The following AMZ2 variants were observed in gnomAD, a reference collection of about 807,000 sequenced individuals.
AMZ2 encodes the protein archaelysin family metallopeptidase 2.
In AMZ2, 26 loss-of-function variants were observed where a neutral mutation model predicts 36.7. That is an observed-to-expected ratio of 0.71 (90% confidence interval 0.52 to 0.98). The LOEUF is 0.98. AMZ2 is among the 50% of genes least tolerant of loss of function. AMZ2 has a pLI of 0.00. For synonymous variants in AMZ2, 144 were observed against 149.1 expected (o/e 0.97, Z 0.25); for missense variants, 394 against 430.5 (o/e 0.92, Z 0.75).
At position 68,221,217 on chromosome 17, in the gene AMZ2, C is replaced by CA. The variant is rs1196867281; in HGVS notation, c.-67+14979_-67+14980insA. Among the ~76,000 whole-genome samples, 9 of 93,428 alleles carry CA rather than the reference C, an allele frequency of 9.6e-5. 2 individuals carry two copies. In the East Asian group the frequency reaches 2.2e-3, roughly 23 times the overall value. 61.3% of individuals were successfully genotyped at this position (93,428 alleles called of 152,430 possible). A position where few individuals can be genotyped will look rare whatever the true frequency, so the allele number is the denominator to read the frequency against. ...CTGCCTCAGCCCTCAGCTCCCCCCCCCGCCCCCCCGGTAGCTAGGACCCCA... is the reference window on the plus strand; with the variant it reads ...CTGCCTCAGCCCTCAGCTCCCCCCCCACGCCCCCCCGGTAGCTAGGACCCCA... On this transcript the variant is annotated intron_variant, in intron 1 of 7. Transcript: ENST00000674770.
At chr17:68,225,894 G>C (rs2073503468) in intron 1 of AMZ2, among the ~76,000 whole-genome samples, 1 of 152,136 alleles carries the variant, frequency 6.6e-6, no homozygotes, top group Non-Finnish European at 1.5e-5. Flanking sequence ...AAAGTGCTGG[G>C]ATTATAGCAT....
At chr17:68,239,940 A>G (rs1443516142) in intron 1 of AMZ2, among the ~76,000 whole-genome samples, 1 of 152,262 alleles carries the variant, frequency 6.6e-6, no homozygotes, top group Non-Finnish European at 1.5e-5. Context: ...TATAGTTACT[A>G]TCTATAGAGA....
At chr17:68,219,207 C>T (rs1485275003) in intron 1 of AMZ2, among the ~76,000 whole-genome samples, 9 of 152,104 alleles carry the variant, frequency 5.9e-5, no homozygotes, top group African/African-American at 1.2e-4. Context: ...CCTTGTAATC[C>T]GCCCGCCTCA....
intron 4 of AMZ2, among the ~76,000 whole-genome samples, chr17:68,253,091 A>G (rs1180801367): frequency 6.6e-6 from 1 of 152,232 alleles, no homozygotes; most frequent in East Asian, 1.9e-4. Context: ...TGACTACGAA[A>G]AAAATAGTCT....
rs782252964 is a variant in AMZ2, at chr17:68,250,208, C to T, written c.21C>T (p.Ser7=). The T allele has an allele frequency of 1.4e-5, 22 of 1,613,754 alleles. No homozygotes were observed. The East Asian group carries it at 1.8e-4, about 13-fold the overall frequency. ...GTTAGATGCAAATAATACGGCACTC[C>T]GAACAGACACTAAAAACAGCTCTCA... is the stretch of plus-strand genomic sequence containing the variant. MQIIRH[S]EQTLKTALIS... Residue 7 remains serine (S), a synonymous_variant, in exon 2 of 7, where the codon TCC becomes TCT. Transcript: ENST00000359904.
At chr17:68,209,632 A>ATATGTATATATATATT in intron 1 of AMZ2, among the ~76,000 whole-genome samples, 55 of 90,650 alleles carry the variant, frequency 6.1e-4, no homozygotes, top group Non-Finnish European at 9.8e-4. Context: ...ATATATATAT[A>ATATGTATATATATATT]TTTTTTTTTT....
chr17:68,239,573 C>T (rs1286612881), intron 1 of AMZ2, among the ~76,000 whole-genome samples: 6 of 152,144 alleles, frequency 3.9e-5, no homozygotes, highest in Non-Finnish European at 8.8e-5. Context: ...AACACGGTGG[C>T]TAAGGATTCA....
intron 1 of AMZ2, among the ~76,000 whole-genome samples, chr17:68,227,043 A>G (rs1555730088): frequency 6.6e-6 from 1 of 151,450 alleles, no homozygotes; most frequent in African/African-American, 2.4e-5. Flanking sequence ...TCGGGCACCG[A>G]GAGAGGGAGG....
chr17:68,250,743 C>T (rs781836023), intron 2 of AMZ2, 51 bp from the exon 3 acceptor site: 4 of 1,467,628 alleles, frequency 2.7e-6, no homozygotes, highest in Non-Finnish European at 2.7e-6. Context: ...ACTGGGTAAA[C>T]ACTGAATAAT....
intron 1 of AMZ2, among the ~76,000 whole-genome samples, chr17:68,213,905 C>T (rs1177591461): frequency 6.6e-6 from 1 of 151,834 alleles, no homozygotes; most frequent in Admixed American, 6.6e-5. Flanking sequence ...TTTTTCCTTT[C>T]TGCTACCATA....
At chr17:68,231,149 G>A (rs2073653393) in intron 1 of AMZ2, among the ~76,000 whole-genome samples, 1 of 151,736 alleles carries the variant, frequency 6.6e-6, no homozygotes, top group African/African-American at 2.4e-5. Flanking sequence ...CTGCAGCCTG[G>A]ACCTCCTGGG....
chr17:68,212,657 C>T (rs1357718342), intron 1 of AMZ2, among the ~76,000 whole-genome samples: 2 of 152,102 alleles, frequency 1.3e-5, no homozygotes, highest in African/African-American at 2.4e-5. Flanking sequence ...ACCTCCACCT[C>T]CTAGGTTCAA....
chr17:68,236,309 T>C (rs1261201018), intron 1 of AMZ2, among the ~76,000 whole-genome samples: 1 of 152,038 alleles, frequency 6.6e-6, no homozygotes, highest in Non-Finnish European at 1.5e-5. Flanking sequence ...CTATGTAAAT[T>C]TATATATAAA....
chr17:68,231,415 T>TGTGCCTTGC (rs1568356958), intron 1 of AMZ2, among the ~76,000 whole-genome samples: 4,094 of 107,892 alleles, frequency 0.038, 877 homozygotes, highest in African/African-American at 0.055. Context: ...CATCCAGCAC[T>TGTGCCTTGC]AGTTAAGTTG....
intron 1 of AMZ2, among the ~76,000 whole-genome samples, chr17:68,209,608 A>ATG (rs61308199): frequency 2.6e-5 from 3 of 114,294 alleles, no homozygotes; most frequent in Non-Finnish European, 1.7e-5. Context: ...GTGTGTGTAT[A>ATG]TGTATATATA....
intron 1 of AMZ2, among the ~76,000 whole-genome samples, chr17:68,219,968 A>C (rs183460222): frequency 1.5e-3 from 234 of 152,268 alleles, no homozygotes; most frequent in Admixed American, 5.5e-3. Context: ...ATCTAATTCA[A>C]ATCTCAATCA....
intron 1 of AMZ2, among the ~76,000 whole-genome samples, chr17:68,237,191 C>G (rs2073809121): frequency 6.6e-6 from 1 of 152,060 alleles, no homozygotes; most frequent in Non-Finnish European, 1.5e-5. Context: ...AATAAATGGA[C>G]TGAAAAATTA....
chr17:68,224,001 T>C (rs1415119931), intron 1 of AMZ2, among the ~76,000 whole-genome samples: 1 of 152,132 alleles, frequency 6.6e-6, no homozygotes. Context: ...GCCATTCTCC[T>C]GCCTCAGCCT....
intron 1 of AMZ2, among the ~76,000 whole-genome samples, chr17:68,239,990 AT>A (rs1231119488): frequency 6.6e-6 from 1 of 152,216 alleles, no homozygotes; most frequent in African/African-American, 2.4e-5. Context: ...GAGAGGGTGT[AT>A]TTTAGACTGT....
Sources: allele counts gnomAD v4.1 joint callset (sites outside exome capture counted in the v4.1 genomes callset), GRCh38; gene constraint gnomAD v4.1.1; transcripts MANE v1.5; gene names NCBI Gene and HGNC (gene_info 2026-07-23, HGNC 2026-07-21).